POLR2F: variants seen among roughly 807,000 people sequenced by gnomAD.
POLR2F encodes DNA-directed RNA polymerases I, II, and III subunit RPABC2.
Under a neutral mutation model 22.7 loss-of-function variants are expected in POLR2F, and 12 were observed. The ratio of observed to expected loss-of-function variants is 0.53; its 90% CI spans 0.34 to 0.86. The LOEUF is 0.86. Ranked by LOEUF, POLR2F falls within the 40% of genes least tolerant of loss-of-function variation. The probability of loss-of-function intolerance (pLI) is 0.02; values close to 1 mark genes in which losing one functional copy is unlikely to be tolerated. For missense variants in POLR2F, 126 were observed against 171.5 expected (o/e 0.73, Z 1.48); for synonymous variants, 57 against 66.0 (o/e 0.86, Z 0.66).
downstream of POLR2F, among the ~76,000 whole-genome samples, chr22:38,031,609 G>A (rs368652461): frequency 2.0e-5 from 3 of 152,232 alleles, no homozygotes; most frequent in Non-Finnish European, 2.9e-5. The surrounding 1 kb of genome is among the most constrained non-coding windows in gnomAD (Gnocchi z 4.1). Context: ...TGTCCCAGGC[G>A]CCTGATGTCA....
chr22:37,995,257 C>T (rs1233397285), intron 1 of POLR2F, among the ~76,000 whole-genome samples: 1 of 152,214 alleles, frequency 6.6e-6, no homozygotes, highest in Non-Finnish European at 1.5e-5. Flanking sequence ...CCCCCAAGTG[C>T]TCGGGGTTGG....
chr22:37,956,061 T>C (rs1483580583), intron 1 of POLR2F, among the ~76,000 whole-genome samples: 1 of 151,052 alleles, frequency 6.6e-6, no homozygotes, highest in Non-Finnish European at 1.5e-5. Context: ...CCTCTTTGAT[T>C]TTTTTTTTGT....
downstream of POLR2F, among the ~76,000 whole-genome samples, chr22:38,030,790 G>A (rs1269891735): frequency 6.6e-6 from 1 of 152,198 alleles, no homozygotes; most frequent in Admixed American, 6.5e-5. Context: ...TGTGGGTGGG[G>A]GCAGGGTTGT....
downstream of POLR2F, among the ~76,000 whole-genome samples, chr22:38,031,648 C>T (rs2145831318): frequency 6.6e-6 from 1 of 152,320 alleles, no homozygotes; most frequent in Admixed American, 6.5e-5. This position sits in a 1 kb window ranked among gnomAD's most constrained non-coding sequence, Gnocchi z 4.1. Flanking sequence ...GGCAGCTCCT[C>T]ACTCAGCTTC....
At chr22:37,986,049 A>G, upstream of POLR2F, 1 of 1,101,686 alleles carries the variant, frequency 9.1e-7, no homozygotes, top group Non-Finnish European at 1.1e-6. The surrounding 1 kb of genome is among the most constrained non-coding windows in gnomAD (Gnocchi z 4.7). Context: ...CCCTGTGCCC[A>G]GACTCTTGTT....
At chr22:37,966,985 A>G (rs1931876996) in intron 3 of POLR2F, 114 bp from the exon 4 acceptor site, 2 of 710,076 alleles carry the variant, frequency 2.8e-6, no homozygotes, top group African/African-American at 1.8e-5. Context: ...GTGCCTGCCT[A>G]CCTAGAAGAT....
intron 1 of POLR2F, among the ~76,000 whole-genome samples, chr22:37,999,977 T>C (rs2084753987): frequency 2.0e-5 from 3 of 152,230 alleles, no homozygotes; most frequent in Admixed American, 2.0e-4. Context: ...TGGCAGCCTG[T>C]GCCCGCTAGG....
chr22:37,996,427 G>A (rs1294291729), intron 1 of POLR2F, among the ~76,000 whole-genome samples: 2 of 152,262 alleles, frequency 1.3e-5, no homozygotes, highest in Non-Finnish European at 2.9e-5. Flanking sequence ...CAAGGGCGGG[G>A]CAGTGGGGGA....
At chr22:37,977,857 C>G in intron 4 of POLR2F, 3 of 1,605,024 alleles carry the variant, frequency 1.9e-6, no homozygotes, top group Non-Finnish European at 2.6e-6. Flanking sequence ...GCTCTGTCAT[C>G]AGCACTCACC....
chr22:38,005,900 A>G (rs2084817021), intron 1 of POLR2F, among the ~76,000 whole-genome samples: 1 of 152,258 alleles, frequency 6.6e-6, no homozygotes, highest in Admixed American at 6.5e-5. Flanking sequence ...TGTATGTTAC[A>G]GAAGTATTGG....
In POLR2F at chr22:37,959,341, T is replaced by C; in HGVS notation, c.91-5T>C. The C allele has an allele frequency of 6.2e-7, 1 of 1,613,106 alleles. No homozygotes were observed. The highest frequency in any genetic ancestry group is 8.5e-7 in the Non-Finnish European group (1 of 1,179,636). On this transcript the variant is annotated splice_region_variant and splice_polypyrimidine_tract_variant and intron_variant, in intron 2 of 4. Transcript: ENST00000442738. ...TCTTTCCCTCTTTTTTGTCTTGGTGTCCAGGAAGGCCAGGAGAATGTCGAG... is the reference window on the plus strand; with the variant it reads ...TCTTTCCCTCTTTTTTGTCTTGGTGCCCAGGAAGGCCAGGAGAATGTCGAG...
downstream of POLR2F, chr22:37,973,651 C>T (rs200970285): frequency 5.4e-5 from 87 of 1,613,746 alleles, no homozygotes; most frequent in Admixed American, 2.0e-4. Flanking sequence ...AGGCCTGGCC[C>T]GAGTGGCCAT....
intron 3 of POLR2F, among the ~76,000 whole-genome samples, chr22:37,962,247 C>CA (rs1054205313): frequency 1.0e-3 from 153 of 147,194 alleles, no homozygotes; most frequent in African/African-American, 2.0e-3. Context: ...AACAAACAAA[C>CA]AAAAAAAAAA....
Position 37,986,271 on chromosome 22 carries a change from C to T in POLR2F, c.81C>T (p.Cys27=). Residue 27 remains cysteine, a synonymous_variant, in exon 1 of 3, where the codon TGC becomes TGT. Transcript: ENST00000333418. This position sits in a 1 kb window ranked among gnomAD's most constrained non-coding sequence, Gnocchi z 4.7. ...CTGCAGTCGCCTCCAACACCCGCTGCTGCCCGCCCGCTGCCTGCCTGCCTG... is the reference window on the plus strand; with the variant it reads ...CTGCAGTCGCCTCCAACACCCGCTGTTGCCCGCCCGCTGCCTGCCTGCCTG... The T allele has an allele frequency of 6.5e-7, 1 of 1,539,224 alleles. No individual in the cohort carries two copies. Among genetic ancestry groups the T allele is most frequent in the South Asian group, 1.2e-5 (1 of 84,032 alleles).
At chr22:37,966,306 C>G (rs532924169) in intron 3 of POLR2F, among the ~76,000 whole-genome samples, 2 of 151,874 alleles carry the variant, frequency 1.3e-5, no homozygotes, top group Non-Finnish European at 2.9e-5. Flanking sequence ...GAAAGTAGCA[C>G]GGGACTGTGC....
chr22:37,994,854 C>G (rs552440367), intron 1 of POLR2F, among the ~76,000 whole-genome samples: 10 of 152,138 alleles, frequency 6.6e-5, no homozygotes, highest in African/African-American at 1.9e-4. Flanking sequence ...GTTACCCAAG[C>G]TGGTCTCATT....
intron 1 of POLR2F, among the ~76,000 whole-genome samples, chr22:37,989,634 G>A (rs772715672): frequency 2.6e-5 from 4 of 152,214 alleles, no homozygotes; most frequent in Non-Finnish European, 5.9e-5. Flanking sequence ...AACCCTCTGA[G>A]TAGATGCTAT....
chr22:38,040,689 C>T (rs2085163807), intron 5 of POLR2F: 2 of 293,010 alleles, frequency 6.8e-6, no homozygotes, highest in Non-Finnish European at 1.3e-5. Flanking sequence ...ACACAGATGC[C>T]AGCGGTGTAT....
At chr22:37,977,778 C>G (rs1352479956) in intron 4 of POLR2F, 1 of 1,419,198 alleles carries the variant, frequency 7.0e-7, no homozygotes, top group Admixed American at 1.8e-5. Flanking sequence ...CACGCTCTCC[C>G]TAGAGTCCAG....
Sources: allele counts gnomAD v4.1 joint callset (sites outside exome capture counted in the v4.1 genomes callset), GRCh38; gene constraint gnomAD v4.1.1; non-coding constraint Gnocchi (gnomAD v3.1); transcripts MANE v1.5; gene names NCBI Gene and HGNC (gene_info 2026-07-23, HGNC 2026-07-21).